Variants in ITGA1 observed in about 807,000 individuals in gnomAD.
ITGA1 encodes integrin subunit alpha 1, also known as integrin alpha-1.
ITGA1 carries 85 observed loss-of-function variants against 145.9 expected under a neutral mutation model. That is an observed-to-expected ratio of 0.58 (90% CI 0.49 to 0.70). ITGA1 has a LOEUF of 0.70. ITGA1 is among the 30% of genes least tolerant of loss of function. ITGA1 has a pLI of 0.00. For synonymous variants in ITGA1, 520 were observed against 495.3 expected (o/e 1.05, Z -0.66); for missense variants, 1,351 against 1,418.7 (o/e 0.95, Z 0.77).
At chr5:52,912,748 A>ATG (rs1433321739) in intron 14 of ITGA1, among the ~76,000 whole-genome samples, 12 of 144,794 alleles carry the variant, frequency 8.3e-5, no homozygotes, top group South Asian at 2.2e-4. Flanking sequence ...GTGTATATAT[A>ATG]TATATATTTT....
At chr5:52,859,563 C>T (rs886112763) in intron 2 of ITGA1, among the ~76,000 whole-genome samples, 7 of 152,124 alleles carry the variant, frequency 4.6e-5, no homozygotes, top group Non-Finnish European at 5.9e-5. Context: ...TTCATTAATA[C>T]TAGCATGCCT....
intron 26 of ITGA1, among the ~76,000 whole-genome samples, chr5:52,942,752 A>C (rs1302901113): frequency 6.7e-6 from 1 of 148,826 alleles, no homozygotes; most frequent in Non-Finnish European, 1.5e-5. Context: ...TGTGTTAGCC[A>C]GGATGGTCTC....
At chr5:52,912,163 A>C (rs1750564626) in intron 14 of ITGA1, among the ~76,000 whole-genome samples, 1 of 143,386 alleles carries the variant, frequency 7.0e-6, no homozygotes, top group Non-Finnish European at 1.5e-5. Context: ...TGCTATATAT[A>C]GCGTATCTAG....
rs191448667 is a variant in ITGA1 at position 52,820,207 on chromosome 5, G to A, written c.62-29158G>A. Among the ~76,000 whole-genome samples the A allele has an allele frequency of 1.6e-4, 25 of 151,958 alleles. 1 individual carries two copies. The highest frequency in any genetic ancestry group is 4.6e-4 in the Admixed American group (7 of 15,262). The stretch of plus-strand genomic sequence containing the variant: ...ACTATGCAGTCATAAAAAATGATGA[G>A]TTCATGTCCTTTGTAGGGACATGGA... On this transcript the variant is annotated intron_variant, in intron 1 of 28. Transcript: ENST00000282588.
rs541129018 is a variant in ITGA1, at chr5:52,906,068, G to A, written c.1455+160G>A. ...TTCTTTGGAAGGATGTATAGTGTCT[G>A]TATCTTTGTCTTCATGTTGGATGGG... On this transcript the variant is annotated intron_variant, in intron 12 of 28. Coordinates refer to ENST00000282588, the MANE Select transcript of ITGA1 (RefSeq NM_181501.2). 2.0e-4 allele frequency among the ~76,000 whole-genome samples: 31 copies of A among 152,308 alleles called. No homozygotes were observed. The South Asian group carries it at 4.6e-3, about 22-fold the overall frequency.
chr5:52,947,328 T>C lies in ITGA1; in HGVS notation c.3379-17T>C, dbSNP rs2111910731. 1.4e-6 allele frequency: 2 copies of C among 1,464,632 alleles called. No homozygotes were observed. The highest frequency in any genetic ancestry group is 4.5e-5 in the East Asian group (2 of 44,158). The allele number at this position is 1,464,632 out of a possible 1,614,324, so 90.7% of individuals were successfully genotyped here. On this transcript the variant is annotated splice_polypyrimidine_tract_variant and intron_variant, in intron 27 of 28. Coordinates refer to ENST00000282588, the MANE Select transcript of ITGA1 (RefSeq NM_181501.2). ...TAGGTGTTTATTATGTTAACAATCT[T>C]GTTTAATAATTTTCAGCTTGCTATT... is the stretch of plus-strand genomic sequence containing the variant.
chr5:52,840,357 T>C (rs1749232843), intron 1 of ITGA1, among the ~76,000 whole-genome samples: 3 of 152,290 alleles, frequency 2.0e-5, no homozygotes, highest in Admixed American at 1.3e-4. Flanking sequence ...GTCACGGAAA[T>C]TAATGAGTTC....
At chr5:52,840,221 T>C (rs1749230455) in intron 1 of ITGA1, among the ~76,000 whole-genome samples, 1 of 152,222 alleles carries the variant, frequency 6.6e-6, no homozygotes, top group Non-Finnish European at 1.5e-5. Flanking sequence ...ACCACTTTTA[T>C]TCAGATTCTT....
At chr5:52,815,755 T>C (rs984477441) in intron 1 of ITGA1, among the ~76,000 whole-genome samples, 6 of 152,366 alleles carry the variant, frequency 3.9e-5, no homozygotes, top group Middle Eastern at 3.4e-3. Flanking sequence ...CTTAAAATAA[T>C]GTTACTTCAA....
intron 25 of ITGA1, 29 bp downstream of exon 25, chr5:52,939,720 T>A (rs2111900228): frequency 6.5e-7 from 1 of 1,539,062 alleles, no homozygotes; most frequent in Admixed American, 1.7e-5. Flanking sequence ...TATTTTTACC[T>A]TTTGCTTTCC....
chr5:52,886,637 AG>A (rs772020780), intron 7 of ITGA1, among the ~76,000 whole-genome samples: 6 of 152,246 alleles, frequency 3.9e-5, no homozygotes, highest in Admixed American at 6.5e-5. Context: ...AAAAGGTTTG[AG>A]TAAAAGGAAA....
At chr5:52,880,632 T>C (rs1194187668) in intron 6 of ITGA1, among the ~76,000 whole-genome samples, 2 of 152,154 alleles carry the variant, frequency 1.3e-5, no homozygotes, top group South Asian at 2.1e-4. Context: ...GACTAAGAAA[T>C]AGGATTTGCT....
At chr5:52,900,529 G>A (rs747708801) in intron 11 of ITGA1, among the ~76,000 whole-genome samples, 23 of 152,012 alleles carry the variant, frequency 1.5e-4, no homozygotes, top group African/African-American at 4.3e-4. Flanking sequence ...CTAAATGCCC[G>A]AAAATATGCA....
rs1748164695 is a variant in ITGA1 at position 52,788,310 on chromosome 5, C to G, written c.-44C>G. 2.0e-6 allele frequency: 3 copies of G among 1,464,142 alleles called. No homozygotes were observed. The highest frequency in any genetic ancestry group is 2.9e-5 in the African/African-American group (2 of 67,890). The allele number at this position is 1,464,142 out of a possible 1,614,324, so 90.7% of individuals were successfully genotyped here. On this transcript the variant is annotated 5_prime_UTR_variant, in exon 1 of 29. Transcript: ENST00000282588. ...GCGCAGCTCCCGCGCCCGGTCCTGCCCTGCGAACCAGCGCGGCCCCCTGGC... is the reference window on the plus strand; with the variant it reads ...GCGCAGCTCCCGCGCCCGGTCCTGCGCTGCGAACCAGCGCGGCCCCCTGGC...
intron 1 of ITGA1, among the ~76,000 whole-genome samples, chr5:52,843,139 ATCACTATCTTTC>A (rs1749282989): frequency 6.6e-6 from 1 of 152,200 alleles, no homozygotes; most frequent in South Asian, 2.1e-4. Context: ...ATCTCCAGGG[ATCACTATCTTTC>A]TATACCACCA....
At chr5:52,887,153 T>C (rs1750065590) in intron 7 of ITGA1, among the ~76,000 whole-genome samples, 1 of 152,094 alleles carries the variant, frequency 6.6e-6, no homozygotes, top group African/African-American at 2.4e-5. Flanking sequence ...AGGCCAAATG[T>C]TTTGTAACTC....
chr5:52,937,802 T>TC (rs1317336898), intron 24 of ITGA1, among the ~76,000 whole-genome samples: 1 of 152,198 alleles, frequency 6.6e-6, no homozygotes, highest in Non-Finnish European at 1.5e-5. Flanking sequence ...CTCTGGAGGC[T>TC]CCAAGAGAGA....
intron 24 of ITGA1, among the ~76,000 whole-genome samples, chr5:52,938,929 ATC>A (rs1284552939): frequency 6.6e-6 from 1 of 151,820 alleles, no homozygotes; most frequent in African/African-American, 2.4e-5. Flanking sequence ...TTGAGACGGA[ATC>A]TCTCTCTGTC....
rs549905955 is a variant in ITGA1 at position 52,957,464 on chromosome 5, A to G, written c.*5013A>G. Reference sequence around the variant, plus strand: ...TCGGTATTTTTTTCTCTCTCTTTACATATAGCAAAAGCTTTCCCCAGTAGC... The same window carrying G: ...TCGGTATTTTTTTCTCTCTCTTTACGTATAGCAAAAGCTTTCCCCAGTAGC... On this transcript the variant is annotated 3_prime_UTR_variant, in exon 29 of 29. Transcript: ENST00000282588. 1.3e-5 allele frequency: 2 copies of G among 152,284 alleles called. No individual in the cohort carries two copies. The highest frequency in any genetic ancestry group is 3.9e-4 in the East Asian group (2 of 5,186). 9.4% of individuals were successfully genotyped at this position (152,284 alleles called of 1,614,324 possible).
Sources: gnomAD v4.1 joint callset for allele counts (sites outside exome capture counted in the v4.1 genomes callset) on GRCh38, gnomAD v4.1.1 for gene constraint, MANE v1.5 for transcripts, NCBI Gene and HGNC (gene_info 2026-07-23, HGNC 2026-07-21) for gene names.